The following NR2C2 variants were observed in gnomAD, a reference collection of about 807,000 sequenced individuals.
NR2C2 encodes the protein Nuclear hormone receptor TR4.
Under a neutral mutation model 62.9 loss-of-function variants are expected in NR2C2, and 6 were observed. The ratio of observed to expected loss-of-function variants is 0.10; its 90% CI spans 0.05 to 0.19. The LOEUF is 0.19. Among genes scored for constraint, NR2C2 ranks in the 10% least tolerant of loss-of-function variants. The pLI is 1.00. For missense variants in NR2C2, 479 were observed against 762.7 expected (o/e 0.63, Z 4.38); for synonymous variants, 272 against 273.8 (o/e 0.99, Z 0.07).
At chr3:14,958,842 G>C (rs2039603452) in intron 1 of NR2C2, among the ~76,000 whole-genome samples, 1 of 152,192 alleles carries the variant, frequency 6.6e-6, no homozygotes, top group Non-Finnish European at 1.5e-5. Flanking sequence ...TGGGCATGGT[G>C]GCGCATGCCT....
chr3:15,026,025 C>CT (rs553289086), intron 7 of NR2C2: 9,420 of 145,848 alleles, frequency 0.065, 509 homozygotes, highest in African/African-American at 0.15. Context: ...TTTTCTTTTT[C>CT]TTTTTTTTTT....
chr3:15,038,205 A>G, intron 12 of NR2C2, 68 bp downstream of exon 12: 2 of 1,480,780 alleles, frequency 1.4e-6, no homozygotes, highest in Non-Finnish European at 9.1e-7. Flanking sequence ...GAACGTGAAC[A>G]TGTTGTCATC....
chr3:15,032,256 T>G (rs879377376), intron 9 of NR2C2, 123 bp from the exon 10 acceptor site: 15 of 1,383,852 alleles, frequency 1.1e-5, no homozygotes, highest in Non-Finnish European at 1.5e-5. Flanking sequence ...GCATGGGACT[T>G]CAGAATCAGA....
At chr3:14,950,471 T>C (rs1350029080) in intron 1 of NR2C2, among the ~76,000 whole-genome samples, 1 of 150,852 alleles carries the variant, frequency 6.6e-6, no homozygotes, top group Non-Finnish European at 1.5e-5. Flanking sequence ...CTTCCTGTGC[T>C]CTAGACACAC....
chr3:14,965,063 G>A (rs983643504), intron 1 of NR2C2, among the ~76,000 whole-genome samples: 3 of 152,098 alleles, frequency 2.0e-5, no homozygotes, highest in Non-Finnish European at 2.9e-5. Flanking sequence ...GGGGAAGCCG[G>A]AATACCTGCA....
intron 1 of NR2C2, among the ~76,000 whole-genome samples, chr3:14,972,196 A>T (rs2040064536): frequency 8.9e-6 from 1 of 112,918 alleles, no homozygotes; most frequent in Non-Finnish European, 1.8e-5. Flanking sequence ...TTTTTCTGAG[A>T]CAGTGTCTCA....
chr3:14,975,355 CAT>C (rs1259802292), intron 1 of NR2C2, among the ~76,000 whole-genome samples: 1 of 152,180 alleles, frequency 6.6e-6, no homozygotes, highest in Non-Finnish European at 1.5e-5. Context: ...AGGTGGTTTT[CAT>C]ATGTGACCTT....
At chr3:15,029,572 T>G (rs948149860) in intron 8 of NR2C2, among the ~76,000 whole-genome samples, 5 of 152,188 alleles carry the variant, frequency 3.3e-5, no homozygotes, top group African/African-American at 4.8e-5. Flanking sequence ...ATATGGATGG[T>G]CTTGGAAAAG....
intron 13 of NR2C2, among the ~76,000 whole-genome samples, chr3:15,041,610 T>C (rs1437921210): frequency 6.6e-6 from 1 of 152,174 alleles, no homozygotes; most frequent in East Asian, 1.9e-4. Context: ...TTCCAACACT[T>C]TGGGACACTG....
chr3:15,030,573 A>G, intron 9 of NR2C2, 121 bp downstream of exon 9: 1 of 1,053,406 alleles, frequency 9.5e-7, no homozygotes. Flanking sequence ...CATGCCTGTA[A>G]TCTTAGCACT....
chr3:15,016,159 C>A lies in NR2C2; in HGVS notation c.281C>A (p.Thr94Lys), dbSNP rs141157692. Residue 94 changes from threonine (T) to lysine (K), a missense_variant, in exon 4 of 14, where the codon ACG becomes AAG. Around this residue, in one of 4 missense-constraint regions of NR2C2, gnomAD observed 115 missense variants for 152.3 expected, o/e 0.76. Transcript: ENST00000425241. Reference sequence around the variant, plus strand: ...TTTCCTGATTTCTCTCAGATTGTCACGGATTCTGCCTCTGTGGAGCGTTTA... The same window carrying A: ...TTTCCTGATTTCTCTCAGATTGTCAAGGATTCTGCCTCTGTGGAGCGTTTA... ...NLVPGRIQIVTDSASVERLLG... is the reference protein window; with the variant it reads ...NLVPGRIQIVKDSASVERLLG... 6.2e-7 allele frequency: 1 copy of A among 1,613,438 alleles called. No individual in the cohort carries two copies. Among genetic ancestry groups the A allele is most frequent in the Admixed American group, 1.7e-5 (1 of 60,004 alleles).
Position 15,024,177 on chromosome 3 carries a change from A to G in NR2C2, c.767A>G (p.Asp256Gly). The G allele has an allele frequency of 6.2e-7, 1 of 1,612,376 alleles. No homozygotes were observed. The highest frequency in any genetic ancestry group is 8.5e-7 in the Non-Finnish European group (1 of 1,179,242). Residue 256 changes from aspartate to glycine, a missense_variant, in exon 7 of 14, where the codon GAT (aspartate) becomes GGT (glycine). Asp to Gly is a moderately conservative substitution (Grantham distance 94). Around this residue, in one of 4 missense-constraint regions of NR2C2, gnomAD observed 151 missense variants for 176.1 expected, o/e 0.86. Coordinates refer to ENST00000425241, the MANE Select transcript of NR2C2 (RefSeq NM_001291694.2). The stretch of plus-strand genomic sequence containing the variant: ...ATCCAGCAGCCTTTGATACGTGAGG[A>G]TGGTACAGTTCTCCTGGCCACGGAT... ...VNIQQPLIRE[D>G]GTVLLATDSK...
Position 15,034,695 on chromosome 3 carries a change from C to T in NR2C2, c.1258C>T (p.Arg420Trp), listed in dbSNP as rs866000325. 6.2e-7 allele frequency: 1 copy of T among 1,613,942 alleles called. No homozygotes were observed. The highest frequency in any genetic ancestry group is 8.5e-7 in the Non-Finnish European group (1 of 1,179,986). The change falls in exon 11 of 14, where the codon CGG (arginine) becomes TGG (tryptophan). Residue 420 changes from arginine to tryptophan, a missense_variant. Physicochemically the swap from Arg to Trp is moderately radical, Grantham distance 101 (BLOSUM62 -3). Around this residue, in one of 4 missense-constraint regions of NR2C2, gnomAD observed 162 missense variants for 296.8 expected, o/e 0.55. Transcript: ENST00000425241. ...GCAGGACTGCAACACCAGCCTTGTGCGGGCCTGCTGGAATGAGCTCTTCAC... is the reference window on the plus strand; with the variant it reads ...GCAGGACTGCAACACCAGCCTTGTGTGGGCCTGCTGGAATGAGCTCTTCAC... ...LGQDCNTSLV[R>W]ACWNELFTLG...
chr3:15,026,378 T>C (rs1013701899), intron 7 of NR2C2: 9 of 152,172 alleles, frequency 5.9e-5, no homozygotes, highest in Non-Finnish European at 1.2e-4. Context: ...TTTTAGTGTA[T>C]AATGTAGTGG....
At chr3:15,036,568 C>T (rs1468365440) in intron 11 of NR2C2, among the ~76,000 whole-genome samples, 1 of 152,152 alleles carries the variant, frequency 6.6e-6, no homozygotes, top group South Asian at 2.1e-4. Context: ...TAGCTCACTA[C>T]AGCCTTGAAC....
chr3:15,028,129 G>A (rs1393068286), intron 7 of NR2C2, among the ~76,000 whole-genome samples: 1 of 152,116 alleles, frequency 6.6e-6, no homozygotes, highest in African/African-American at 2.4e-5. Flanking sequence ...CAAAGTGCTG[G>A]GATTACAGGC....
intron 12 of NR2C2, chr3:15,038,919 G>A (rs571348819): frequency 2.0e-4 from 113 of 567,524 alleles, no homozygotes; most frequent in Middle Eastern, 4.7e-4. Flanking sequence ...CAGGGTCCCC[G>A]ACCCGCTCCC....
chr3:15,017,555 T>C lies in NR2C2; in HGVS notation c.376+1301T>C, dbSNP rs1268290983. Among the ~76,000 whole-genome samples, 4 of 152,176 alleles carry C rather than the reference T, an allele frequency of 2.6e-5. 1 individual carries two copies. The highest frequency in any genetic ancestry group is 9.7e-5 in the African/African-American group (4 of 41,442). ...AAGCATGAACGTAACAAAAGGGCCA[T>C]AGAATCTGCTTGGCTTCCCCATTTG... On this transcript the variant is annotated intron_variant, in intron 4 of 13. Coordinates refer to ENST00000425241, the MANE Select transcript of NR2C2 (RefSeq NM_001291694.2).
chr3:14,956,685 G>T (rs1411167733), intron 1 of NR2C2, among the ~76,000 whole-genome samples: 1 of 152,126 alleles, frequency 6.6e-6, no homozygotes, highest in Non-Finnish European at 1.5e-5. Flanking sequence ...GGAATTACAG[G>T]CATATGCCAC....
Sources: gnomAD v4.1 joint callset for allele counts (sites outside exome capture counted in the v4.1 genomes callset) on GRCh38, gnomAD v4.1.1 for gene constraint, gnomAD v4.1.1 regional missense constraint, MANE v1.5 for transcripts, NCBI Gene and HGNC (gene_info 2026-07-23, HGNC 2026-07-21) for gene names.